Variants in CHRNA1 observed in about 807,000 individuals in gnomAD.
CHRNA1 encodes the protein acetylcholine receptor subunit alpha.
Under a neutral mutation model 47.1 loss-of-function variants are expected in CHRNA1, and 35 were observed. The observed-to-expected ratio is 0.74, with a 90% CI of 0.57 to 0.99. The LOEUF (loss-of-function observed/expected upper bound fraction) is 0.99, where lower values mean the gene tolerates loss of function less well. CHRNA1 is among the 50% of genes least tolerant of loss of function. The pLI is 0.00. For synonymous variants in CHRNA1, 229 were observed against 223.6 expected, an observed-to-expected ratio of 1.02 and a Z score of -0.22; for missense variants, 506 against 591.1, an observed-to-expected ratio of 0.86 and a Z score of 1.49.
intron 8 of CHRNA1, 117 bp from the exon 9 acceptor site, chr2:174,748,372 C>T: frequency 6.8e-7 from 1 of 1,478,478 alleles, no homozygotes; most frequent in Admixed American, 1.9e-5. Flanking sequence ...GTCCTCCCAT[C>T]CCTTGGCTGG....
At chr2:174,749,388 A>G (rs1283000206) in intron 7 of CHRNA1, among the ~76,000 whole-genome samples, 1 of 152,242 alleles carries the variant, frequency 6.6e-6, no homozygotes, top group East Asian at 1.9e-4. Flanking sequence ...TTCTGGACAA[A>G]AGATCCTGGA....
intron 1 of CHRNA1, among the ~76,000 whole-genome samples, chr2:174,762,559 C>A (rs1251783678): frequency 1.3e-5 from 2 of 152,194 alleles, no homozygotes; most frequent in African/African-American, 4.8e-5. Context: ...TTCCTACCCT[C>A]ATGGAGATTG....
intron 3 of CHRNA1, among the ~76,000 whole-genome samples, chr2:174,759,048 A>G (rs1167879369): frequency 2.0e-5 from 3 of 152,136 alleles, no homozygotes; most frequent in Non-Finnish European, 2.9e-5. Flanking sequence ...ACCAATACCT[A>G]GACTTTGGAC....
At chr2:174,753,243 C>T (rs1368945119) in intron 6 of CHRNA1, 5 of 628,016 alleles carry the variant, frequency 8.0e-6, no homozygotes, top group Non-Finnish European at 5.8e-6. Flanking sequence ...GGTTAATGTA[C>T]TTTAACCAGC....
In CHRNA1 at chr2:174,757,538, C is replaced by A. The variant is rs553045974; in HGVS notation, c.344+28G>T. ...CTTTATTCCACCTGCCCCAGGAGCA[C>A]CCTCCGCCACCCATGCAGTTTGCTC... On this transcript the variant is annotated intron_variant, in intron 4 of 8. Coordinates refer to ENST00000348749, the MANE Select transcript of CHRNA1 (RefSeq NM_000079.4). 29 of 1,564,750 alleles carry A rather than the reference C, an allele frequency of 1.9e-5. No homozygotes were observed. The African/African-American group carries it at 3.6e-4, about 20-fold the overall frequency.
chr2:174,763,330 G>GCGCACA (rs1553470210), intron 1 of CHRNA1, among the ~76,000 whole-genome samples: 2 of 55,146 alleles, frequency 3.6e-5, no homozygotes, highest in African/African-American at 8.5e-5. Context: ...GCACGCGCGC[G>GCGCACA]CACACACACA....
intron 4 of CHRNA1, 118 bp from the exon 5 acceptor site, chr2:174,754,532 G>C (rs1683934401): frequency 1.2e-6 from 1 of 858,686 alleles, no homozygotes; most frequent in African/African-American, 1.7e-5. Context: ...TAGAAGCTCT[G>C]TTTCGGGCAG....
At position 174,757,572 on chromosome 2, in the gene CHRNA1, T is replaced by G. The variant is rs760198514; in HGVS notation, c.338A>C (p.Tyr113Ser). ...EKIWRPDLVL[Y>S]NNADGDFAIV... ...ACCCATGCAGTTTGCTCACTTGTTA[T>G]AGAGAACAAGGTCTGGGCGCCAGAT... Residue 113 changes from tyrosine to serine, a missense_variant, in exon 4 of 9, where the codon TAT becomes TCT. Tyr to Ser is a moderately radical substitution (Grantham distance 144). Coordinates refer to ENST00000348749, the MANE Select transcript of CHRNA1 (RefSeq NM_000079.4). 3 of 1,613,796 alleles carry G rather than the reference T, an allele frequency of 1.9e-6. No individual in the cohort carries two copies. The highest frequency in any genetic ancestry group is 2.5e-6 in the Non-Finnish European group (3 of 1,179,700).
intron 1 of CHRNA1, among the ~76,000 whole-genome samples, chr2:174,760,549 G>T (rs751187044): frequency 1.3e-5 from 2 of 152,198 alleles, no homozygotes; most frequent in South Asian, 2.1e-4. Flanking sequence ...CAGGGACTGG[G>T]GGGGAGAGAG....
chr2:174,758,991 GT>G (rs1327381155), intron 3 of CHRNA1, among the ~76,000 whole-genome samples: 1 of 152,062 alleles, frequency 6.6e-6, no homozygotes, highest in Non-Finnish European at 1.5e-5. Flanking sequence ...TGAAGAGAGA[GT>G]CCTAGGACAG....
Position 174,749,918 on chromosome 2 carries a change from T to A in CHRNA1, c.1002+28A>T, listed in dbSNP as rs752993623. 7 of 1,590,940 alleles carry A rather than the reference T, an allele frequency of 4.4e-6. No individual in the cohort carries two copies. In the South Asian group the frequency reaches 7.7e-5, roughly 18 times the overall value. ...GGAGGCCTGTAGATGTGCCTCCGTG[T>A]GAAGTCTGCAGGGGCCTCCCCACTC... On this transcript the variant is annotated intron_variant, in intron 7 of 8. Transcript: ENST00000348749.
chr2:174,757,555 A>G lies in CHRNA1; in HGVS notation c.344+11T>C. The stretch of plus-strand genomic sequence containing the variant: ...CAGGAGCACCCTCCGCCACCCATGC[A>G]GTTTGCTCACTTGTTATAGAGAACA... On this transcript the variant is annotated intron_variant, in intron 4 of 8. Transcript: ENST00000348749. 1 of 1,607,238 alleles carries G rather than the reference A, an allele frequency of 6.2e-7. No homozygotes were observed. Among genetic ancestry groups the G allele is most frequent in the South Asian group, 1.1e-5 (1 of 90,936 alleles).
At chr2:174,762,330 G>A (rs1558916063) in intron 1 of CHRNA1, among the ~76,000 whole-genome samples, 1 of 152,098 alleles carries the variant, frequency 6.6e-6, no homozygotes, top group African/African-American at 2.4e-5. Context: ...TGGATTCAAC[G>A]AATCACAGTA....
chr2:174,754,274 C>T lies in CHRNA1; in HGVS notation c.485G>A (p.Cys162Tyr). ...GGTCCAGGTGCCCAGCTTCATGCTG[C>T]AGTTCTGTTCATCAAAGGGAAAGTG... ...VTHFPFDEQNCSMKLGTWTYD... is the reference protein window; with the variant it reads ...VTHFPFDEQNYSMKLGTWTYD... The change falls in exon 5 of 9, where the codon TGC (cysteine) becomes TAC (tyrosine). Residue 162 changes from cysteine to tyrosine, a missense_variant. Cys to Tyr is a radical substitution (Grantham distance 194). Coordinates refer to ENST00000348749, the MANE Select transcript of CHRNA1 (RefSeq NM_000079.4). 1 of 1,614,160 alleles carries T rather than the reference C, an allele frequency of 6.2e-7. No individual in the cohort carries two copies. The highest frequency in any genetic ancestry group is 8.5e-7 in the Non-Finnish European group (1 of 1,180,028).
At position 174,747,770 on chromosome 2, in the gene CHRNA1, T is replaced by C. The variant is rs1249173521; in HGVS notation, c.*354A>G. The stretch of plus-strand genomic sequence containing the variant: ...CAGCAACTCCCTAGTGGTCTCGTGG[T>C]TAGACAAAATAAGTAAATATATAAA... On this transcript the variant is annotated 3_prime_UTR_variant, in exon 9 of 9. Coordinates refer to ENST00000348749, the MANE Select transcript of CHRNA1 (RefSeq NM_000079.4). The C allele has an allele frequency of 9.6e-6, 3 of 313,890 alleles. No homozygotes were observed. Among genetic ancestry groups the C allele is most frequent in the Non-Finnish European group, 1.9e-5 (3 of 160,864 alleles). 19.4% of individuals were successfully genotyped at this position (313,890 alleles called of 1,614,324 possible). A position where few individuals can be genotyped will look rare whatever the true frequency, so the allele number is the denominator to read the frequency against.
chr2:174,752,803 G>A (rs1683883812), intron 6 of CHRNA1: 1 of 150,382 alleles, frequency 6.6e-6, no homozygotes, highest in African/African-American at 2.4e-5. Context: ...CCTGTCATAA[G>A]CTTGAGGTCT....
At chr2:174,751,589 T>C (rs1158266108) in intron 6 of CHRNA1, among the ~76,000 whole-genome samples, 1 of 152,156 alleles carries the variant, frequency 6.6e-6, no homozygotes, top group Non-Finnish European at 1.5e-5. Context: ...TGTTGATTAA[T>C]AATAATGATA....
chr2:174,763,899 G>A (rs1440041274), intron 1 of CHRNA1, among the ~76,000 whole-genome samples: 4 of 152,114 alleles, frequency 2.6e-5, no homozygotes, highest in Admixed American at 2.6e-4. Flanking sequence ...CTGTCAATCA[G>A]TCCTCTTTAT....
At chr2:174,760,889 A>G (rs1684089038) in intron 1 of CHRNA1, among the ~76,000 whole-genome samples, 4 of 152,096 alleles carry the variant, frequency 2.6e-5, no homozygotes, top group Admixed American at 2.0e-4. Context: ...ATAGAGAGCA[A>G]TATCATCTAA....
Sources: allele counts gnomAD v4.1 joint callset (sites outside exome capture counted in the v4.1 genomes callset), GRCh38; gene constraint gnomAD v4.1.1; transcripts MANE v1.5; gene names NCBI Gene and HGNC (gene_info 2026-07-23, HGNC 2026-07-21).